ABCA13: variants seen among roughly 807,000 people sequenced by gnomAD.
The protein encoded by ABCA13 is ATP-binding cassette sub-family A member 13.
In ABCA13, 476 loss-of-function variants were observed where a neutral mutation model predicts 478.7. The ratio of observed to expected loss-of-function variants is 0.99; its 90% confidence interval spans 0.92 to 1.07. The LOEUF (loss-of-function observed/expected upper bound fraction) is 1.07. ABCA13 is among the 50% of genes least tolerant of loss of function. ABCA13 has a pLI of 0.00. For missense variants in ABCA13, 6,060 were observed against 5,910.6 expected, an observed-to-expected ratio of 1.03 and a Z score of -0.83; for synonymous variants, 2,252 against 2,158.9, an observed-to-expected ratio of 1.04 and a Z score of -1.20.
chr7:48,210,869 G>A (rs1375544612), intron 3 of ABCA13, among the ~76,000 whole-genome samples: 1 of 152,088 alleles, frequency 6.6e-6, no homozygotes, highest in African/African-American at 2.4e-5. Context: ...CATCTATAGT[G>A]TAGATAAAAT....
intron 31 of ABCA13, among the ~76,000 whole-genome samples, chr7:48,363,474 T>C (rs1011073764): frequency 1.3e-5 from 2 of 152,154 alleles, no homozygotes; most frequent in African/African-American, 4.8e-5. Context: ...TTTGGATGTG[T>C]AGATTTTAAT....
At chr7:48,339,545 C>T (rs1476300547) in intron 29 of ABCA13, among the ~76,000 whole-genome samples, 5 of 152,286 alleles carry the variant, frequency 3.3e-5, no homozygotes, top group African/African-American at 1.2e-4. Context: ...GTGAATCGTA[C>T]CTGAGCCACA....
At chr7:48,243,322 T>C (rs1353553244) in intron 10 of ABCA13, among the ~76,000 whole-genome samples, 1 of 152,252 alleles carries the variant, frequency 6.6e-6, no homozygotes, top group Non-Finnish European at 1.5e-5. Flanking sequence ...TTTCTCACTT[T>C]CTAGCTCTTT....
chr7:48,467,986 A>G (rs1400826150), intron 44 of ABCA13, among the ~76,000 whole-genome samples: 1 of 152,132 alleles, frequency 6.6e-6, no homozygotes, highest in Non-Finnish European at 1.5e-5. Flanking sequence ...TTCAATGGTA[A>G]TGTTTCTATT....
rs193268120 is a variant in ABCA13, at chr7:48,272,318, A to G, written c.2652A>G (p.Ser884=). ...SQLFHSDWPK[S]PAMNIDFVRL... Reference sequence around the variant, plus strand: ...TGTTCCATTCAGATTGGCCTAAATCACCAGCTATGAACATAGATTTTGTAC... The same window carrying G: ...TGTTCCATTCAGATTGGCCTAAATCGCCAGCTATGAACATAGATTTTGTAC... The change falls in exon 17 of 62, where the codon TCA becomes TCG. Residue 884 remains serine, a synonymous_variant. Coordinates refer to ENST00000435803, the MANE Select transcript of ABCA13 (RefSeq NM_152701.5). The G allele has an allele frequency of 1.8e-4, 296 of 1,613,786 alleles. 3 individuals are homozygous for G. The East Asian group carries it at 6.4e-3, about 35-fold the overall frequency.
At chr7:48,582,646 C>T (rs1054202213) in intron 56 of ABCA13, among the ~76,000 whole-genome samples, 1 of 152,180 alleles carries the variant, frequency 6.6e-6, no homozygotes, top group African/African-American at 2.4e-5. Flanking sequence ...GTCCCCTCTC[C>T]TCCCTCCCGG....
At chr7:48,591,658 T>C (rs993411104) in intron 57 of ABCA13, among the ~76,000 whole-genome samples, 8 of 152,004 alleles carry the variant, frequency 5.3e-5, no homozygotes, top group African/African-American at 9.7e-5. Context: ...CAAAATGTTA[T>C]AGTTTTCAGT....
intron 19 of ABCA13, among the ~76,000 whole-genome samples, chr7:48,287,208 C>CATG (rs1166864896): frequency 2.0e-5 from 3 of 152,180 alleles, no homozygotes; most frequent in Admixed American, 1.3e-4. Context: ...GGACATAGGG[C>CATG]ATGACTGCAG....
At chr7:48,373,830 C>A (rs1813032967) in intron 33 of ABCA13, among the ~76,000 whole-genome samples, 1 of 152,238 alleles carries the variant, frequency 6.6e-6, no homozygotes, top group East Asian at 1.9e-4. Context: ...AAATATCTAA[C>A]TCTGGTACAC....
chr7:48,528,710 G>A (rs924623216), intron 55 of ABCA13, among the ~76,000 whole-genome samples: 2 of 152,114 alleles, frequency 1.3e-5, no homozygotes, highest in African/African-American at 4.8e-5. Flanking sequence ...AACTTCAAAT[G>A]TTCCCATCAG....
At chr7:48,289,357 CAATT>C (rs1223474046) in intron 20 of ABCA13, among the ~76,000 whole-genome samples, 1 of 147,366 alleles carries the variant, frequency 6.8e-6, no homozygotes, top group Non-Finnish European at 1.5e-5. Context: ...GCCCCACAGA[CAATT>C]TTTTTTTTTT....
intron 35 of ABCA13, among the ~76,000 whole-genome samples, chr7:48,383,540 C>T (rs1814720852): frequency 6.6e-6 from 1 of 152,216 alleles, no homozygotes; most frequent in South Asian, 2.1e-4. Context: ...TGAAGGTGTT[C>T]AATGACTTCA....
chr7:48,200,016 C>A (rs1798449594), intron 3 of ABCA13, among the ~76,000 whole-genome samples: 1 of 152,156 alleles, frequency 6.6e-6, no homozygotes, highest in African/African-American at 2.4e-5. Context: ...GGCATTCAAC[C>A]AATGGGAATT....
intron 56 of ABCA13, among the ~76,000 whole-genome samples, chr7:48,585,601 C>T (rs923479200): frequency 6.6e-6 from 1 of 152,106 alleles, no homozygotes; most frequent in African/African-American, 2.4e-5. Context: ...CTTAATGCTT[C>T]ATTATCATTA....
Position 48,245,856 on chromosome 7 carries a change from C to A in ABCA13, c.1492-7C>A. On this transcript the variant is annotated splice_polypyrimidine_tract_variant and splice_region_variant and intron_variant, in intron 12 of 61. Coordinates refer to ENST00000435803, the MANE Select transcript of ABCA13 (RefSeq NM_152701.5). ...GTTACTCCTTCCCACTCTTATTAAT[C>A]TTTTAGATGTTGGCGAAGAATGCTG... The A allele has an allele frequency of 6.2e-7, 1 of 1,608,922 alleles. No homozygotes were observed. The highest frequency in any genetic ancestry group is 1.1e-5 in the South Asian group (1 of 90,214).
chr7:48,505,017 G>A (rs558768261), intron 48 of ABCA13, among the ~76,000 whole-genome samples: 1 of 152,280 alleles, frequency 6.6e-6, no homozygotes, highest in African/African-American at 2.4e-5. Flanking sequence ...GATGAATGTG[G>A]TAAGTCCAGG....
At chr7:48,183,147 A>G (rs1795918885) in intron 1 of ABCA13, among the ~76,000 whole-genome samples, 1 of 152,138 alleles carries the variant, frequency 6.6e-6, no homozygotes, top group Non-Finnish European at 1.5e-5. Context: ...AGCCAACGAG[A>G]TCTTCTGGCT....
At chr7:48,550,410 A>G (rs1785203961) in intron 55 of ABCA13, among the ~76,000 whole-genome samples, 2 of 151,452 alleles carry the variant, frequency 1.3e-5, no homozygotes, top group South Asian at 4.2e-4. Flanking sequence ...GGCGCCTGCC[A>G]CCATACCTGG....
At chr7:48,631,923 G>A (rs1057131903) in intron 59 of ABCA13, among the ~76,000 whole-genome samples, 104 of 152,082 alleles carry the variant, frequency 6.8e-4, no homozygotes, top group Non-Finnish European at 6.2e-4. Flanking sequence ...TTGTGTTTTT[G>A]CAGCTTTGTG....
Sources: allele counts gnomAD v4.1 joint callset (sites outside exome capture counted in the v4.1 genomes callset), GRCh38; gene constraint gnomAD v4.1.1; transcripts MANE v1.5; gene names NCBI Gene and HGNC (gene_info 2026-07-23, HGNC 2026-07-21).